Variants in RNGTT observed in about 807,000 individuals in gnomAD.
RNGTT encodes RNA guanylyltransferase and 5'-phosphatase.
Under a neutral mutation model 79.3 loss-of-function variants are expected in RNGTT, and 33 were observed. The ratio of observed to expected loss-of-function variants is 0.42; its 90% CI spans 0.32 to 0.56. RNGTT has a LOEUF of 0.56. Among genes scored for constraint, RNGTT ranks in the 20% least tolerant of loss-of-function variants. RNGTT has a pLI of 0.17. For synonymous variants in RNGTT, 222 were observed against 235.9 expected, an observed-to-expected ratio of 0.94 and a Z score of 0.54; for missense variants, 497 against 739.1, an observed-to-expected ratio of 0.67 and a Z score of 3.80.
chr6:88,839,330 G>C (rs1276872378), intron 11 of RNGTT, among the ~76,000 whole-genome samples: 4 of 152,184 alleles, frequency 2.6e-5, no homozygotes, highest in East Asian at 3.9e-4. Flanking sequence ...CAACACTTTG[G>C]GAGGCCGAGG....
intron 4 of RNGTT, 38 bp from the exon 5 acceptor site, chr6:88,906,478 C>T: frequency 1.6e-6 from 2 of 1,271,566 alleles, no homozygotes; most frequent in Non-Finnish European, 2.2e-6. Flanking sequence ...ATTAACAAAT[C>T]ACTGCAGAGG....
chr6:88,692,972 T>C (rs1210119390), intron 13 of RNGTT, among the ~76,000 whole-genome samples: 1 of 151,876 alleles, frequency 6.6e-6, no homozygotes, highest in Non-Finnish European at 1.5e-5. Flanking sequence ...CCAAAACTGA[T>C]GAGATGCAGC....
intron 1 of RNGTT, among the ~76,000 whole-genome samples, chr6:88,951,881 G>GA (rs1427543266): frequency 6.6e-6 from 1 of 152,116 alleles, no homozygotes; most frequent in Non-Finnish European, 1.5e-5. Context: ...GCTTCCAAAT[G>GA]AAACTCATAA....
chr6:88,770,492 T>C (rs1006725572), intron 12 of RNGTT, among the ~76,000 whole-genome samples: 2 of 152,226 alleles, frequency 1.3e-5, no homozygotes, highest in African/African-American at 2.4e-5. Flanking sequence ...TTCCTTTTCA[T>C]TGCTGACTAG....
At chr6:88,704,087 G>T (rs1424202695) in intron 13 of RNGTT, among the ~76,000 whole-genome samples, 1 of 151,546 alleles carries the variant, frequency 6.6e-6, no homozygotes. Flanking sequence ...GTGAAACTCC[G>T]ACTCTACTAA....
intron 8 of RNGTT, among the ~76,000 whole-genome samples, chr6:88,869,489 C>A (rs994099291): frequency 6.6e-6 from 1 of 151,994 alleles, no homozygotes; most frequent in Non-Finnish European, 1.5e-5. Flanking sequence ...CTTTGTGGTT[C>A]TTTTATAAGT....
At chr6:88,960,170 A>T (rs1421566506) in intron 1 of RNGTT, among the ~76,000 whole-genome samples, 2 of 152,098 alleles carry the variant, frequency 1.3e-5, no homozygotes, top group Non-Finnish European at 2.9e-5. Context: ...ATGGTTTGCT[A>T]CTCCCATGAG....
intron 8 of RNGTT, among the ~76,000 whole-genome samples, chr6:88,856,168 T>A (rs1341559241): frequency 6.6e-6 from 1 of 152,198 alleles, no homozygotes; most frequent in African/African-American, 2.4e-5. Flanking sequence ...GTCCATTGTT[T>A]CCTAAACTTA....
chr6:88,666,783 T>C (rs1349447168), intron 14 of RNGTT, among the ~76,000 whole-genome samples: 5 of 152,198 alleles, frequency 3.3e-5, no homozygotes, highest in Admixed American at 1.3e-4. Flanking sequence ...GACACTGTTA[T>C]TGAAGCCAAA....
At chr6:88,948,516 C>T (rs1479524255) in intron 1 of RNGTT, among the ~76,000 whole-genome samples, 2 of 148,648 alleles carry the variant, frequency 1.3e-5, no homozygotes, top group African/African-American at 2.5e-5. Flanking sequence ...CCCGGCCGGC[C>T]GCCCCGTCCG....
intron 14 of RNGTT, among the ~76,000 whole-genome samples, chr6:88,635,658 T>C (rs1274094622): frequency 6.6e-6 from 1 of 152,114 alleles, no homozygotes; most frequent in Non-Finnish European, 1.5e-5. Flanking sequence ...TTCTAATATT[T>C]ACTCTGGCAT....
intron 13 of RNGTT, among the ~76,000 whole-genome samples, chr6:88,724,560 A>C (rs1776821138): frequency 6.6e-6 from 1 of 152,138 alleles, no homozygotes; most frequent in African/African-American, 2.4e-5. Context: ...TTCCACAGAC[A>C]GGGGAAGGGG....
chr6:88,670,862 C>T (rs964303044), intron 14 of RNGTT, among the ~76,000 whole-genome samples: 5 of 152,124 alleles, frequency 3.3e-5, no homozygotes, highest in Non-Finnish European at 5.9e-5. Flanking sequence ...TCTTGAGACG[C>T]GAGTCTACCA....
At chr6:88,841,271 C>T (rs1009513020) in intron 11 of RNGTT, among the ~76,000 whole-genome samples, 2 of 152,030 alleles carry the variant, frequency 1.3e-5, no homozygotes, top group Non-Finnish European at 2.9e-5. Context: ...AATTCCCATG[C>T]CAAGCAGGTG....
chr6:88,843,251 C>T (rs1420158069), intron 11 of RNGTT, among the ~76,000 whole-genome samples: 1 of 151,568 alleles, frequency 6.6e-6, no homozygotes, highest in East Asian at 1.9e-4. Context: ...TAGTTACTAA[C>T]ATTACTCATA....
At chr6:88,695,334 G>C (rs12110895) in intron 13 of RNGTT, among the ~76,000 whole-genome samples, 17,655 of 151,954 alleles carry the variant, frequency 0.12, 1,134 homozygotes, top group Middle Eastern at 0.23. Context: ...CAATCTGATT[G>C]AAAAATGGGC....
chr6:88,923,993 A>T (rs1784241592), intron 4 of RNGTT, among the ~76,000 whole-genome samples: 1 of 152,194 alleles, frequency 6.6e-6, no homozygotes, highest in Non-Finnish European at 1.5e-5. Context: ...AGGAAGGGGA[A>T]GCCACCGGGA....
At chr6:88,719,766 G>T (rs569578827) in intron 13 of RNGTT, among the ~76,000 whole-genome samples, 1 of 152,262 alleles carries the variant, frequency 6.6e-6, no homozygotes, top group African/African-American at 2.4e-5. Flanking sequence ...TCTTTCAAAA[G>T]AATTTAATTT....
intron 13 of RNGTT, among the ~76,000 whole-genome samples, chr6:88,767,774 C>A (rs1778514642): frequency 6.6e-6 from 1 of 150,848 alleles, no homozygotes; most frequent in African/African-American, 2.4e-5. Context: ...TTCTGTAAGG[C>A]ACTTCCAGAA....
Sources: gnomAD v4.1 joint callset for allele counts (sites outside exome capture counted in the v4.1 genomes callset) on GRCh38, gnomAD v4.1.1 for gene constraint, MANE v1.5 for transcripts, NCBI Gene and HGNC (gene_info 2026-07-23, HGNC 2026-07-21) for gene names.